The following PDGFD variants were observed in gnomAD, a reference collection of about 807,000 sequenced individuals.
PDGFD encodes platelet-derived growth factor D.
Under a neutral mutation model 44.7 loss-of-function variants are expected in PDGFD, and 30 were observed. The ratio of observed to expected loss-of-function variants is 0.67; its 90% CI spans 0.50 to 0.91. The LOEUF (loss-of-function observed/expected upper bound fraction) is 0.91. PDGFD is among the 40% of genes least tolerant of loss of function. The probability of loss-of-function intolerance (pLI) is 0.00; values close to 1 mark genes in which losing one functional copy is unlikely to be tolerated. For synonymous variants in PDGFD, 173 were observed against 168.4 expected (o/e 1.03, Z -0.21); for missense variants, 445 against 457.8 (o/e 0.97, Z 0.25).
chr11:104,123,976 A>T (rs1477128904), intron 1 of PDGFD, among the ~76,000 whole-genome samples: 1 of 141,396 alleles, frequency 7.1e-6, no homozygotes, highest in Non-Finnish European at 1.5e-5. Context: ...AACAGGAAAA[A>T]GTGATTATTT....
intron 5 of PDGFD, among the ~76,000 whole-genome samples, chr11:103,941,888 C>T (rs1015103084): frequency 3.3e-5 from 5 of 152,040 alleles, no homozygotes; most frequent in South Asian, 2.1e-4. Context: ...GCATATTTTA[C>T]TTTCTTTTAA....
intron 3 of PDGFD, among the ~76,000 whole-genome samples, chr11:103,971,196 A>C (rs916139220): frequency 6.6e-6 from 1 of 152,164 alleles, no homozygotes; most frequent in African/African-American, 2.4e-5. Flanking sequence ...TGCCTGGAAT[A>C]TATTTTATGA....
At chr11:104,051,099 G>GAA (rs112708876) in intron 1 of PDGFD, among the ~76,000 whole-genome samples, 41 of 151,656 alleles carry the variant, frequency 2.7e-4, no homozygotes, top group African/African-American at 8.5e-4. Flanking sequence ...GGTGATACAG[G>GAA]AAAAAAAAAT....
At chr11:104,011,232 T>C (rs1317429039) in intron 1 of PDGFD, among the ~76,000 whole-genome samples, 1 of 152,168 alleles carries the variant, frequency 6.6e-6, no homozygotes, top group East Asian at 1.9e-4. Flanking sequence ...TGAAAGCATT[T>C]TCTTAGTCAC....
intron 2 of PDGFD, among the ~76,000 whole-genome samples, chr11:103,998,276 G>C (rs1463973554): frequency 6.6e-6 from 1 of 151,982 alleles, no homozygotes; most frequent in Non-Finnish European, 1.5e-5. Context: ...GTACCTGTTG[G>C]GAGGCCCCGA....
In PDGFD at chr11:104,040,569, A is replaced by G. The variant is rs1180224553; in HGVS notation, c.125-40314T>C. 5.9e-5 allele frequency among the ~76,000 whole-genome samples: 9 copies of G among 152,140 alleles called. No individual in the cohort carries two copies. The East Asian group carries it at 1.7e-3, about 29-fold the overall frequency. ...CTTTTGCTTGTCTTCTACATCAATCAGGCACTATGCAAGGTACTTTGCATA... is the reference window on the plus strand; with the variant it reads ...CTTTTGCTTGTCTTCTACATCAATCGGGCACTATGCAAGGTACTTTGCATA... On this transcript the variant is annotated intron_variant, in intron 1 of 6. Coordinates refer to ENST00000393158, the MANE Select transcript of PDGFD (RefSeq NM_025208.5).
intron 6 of PDGFD, among the ~76,000 whole-genome samples, chr11:103,926,101 T>C (rs1858311588): frequency 6.6e-6 from 1 of 152,148 alleles, no homozygotes; most frequent in African/African-American, 2.4e-5. Flanking sequence ...AACCAGTGGA[T>C]TGGAGTTGGA....
chr11:104,010,280 TG>T (rs1457944030), intron 1 of PDGFD, among the ~76,000 whole-genome samples: 1 of 151,910 alleles, frequency 6.6e-6, no homozygotes, highest in African/African-American at 2.4e-5. Flanking sequence ...TTGGAGACAA[TG>T]TTTTTTTGTA....
At chr11:104,084,316 G>A (rs1861089698) in intron 1 of PDGFD, among the ~76,000 whole-genome samples, 1 of 152,160 alleles carries the variant, frequency 6.6e-6, no homozygotes, top group African/African-American at 2.4e-5. Flanking sequence ...ATCCTGCATG[G>A]TCAGGAAAGC....
rs1372483470 is a variant in PDGFD, at chr11:104,129,999, T to TG, written c.124+33804dup. Among the ~76,000 whole-genome samples the TG allele has an allele frequency of 2.8e-4, 20 of 72,004 alleles. No homozygotes were observed. The South Asian group carries it at 6.3e-3, about 23-fold the overall frequency. 47.2% of individuals were successfully genotyped at this position (72,004 alleles called of 152,430 possible). A position where few individuals can be genotyped will look rare whatever the true frequency, so the allele number is the denominator to read the frequency against. On this transcript the variant is annotated intron_variant, in intron 1 of 6. Transcript: ENST00000393158. ...ACTCCAACCTGGGCAACAAGACCTC[T>TG]GAAAAAAAAAAAAAAGGAGCTAACA...
chr11:104,028,546 C>T (rs11226119), intron 1 of PDGFD, among the ~76,000 whole-genome samples: 19,272 of 150,006 alleles, frequency 0.13, 1,315 homozygotes, highest in South Asian at 0.22. Flanking sequence ...ATATCAGAAA[C>T]GTCAACTACA....
intron 1 of PDGFD, among the ~76,000 whole-genome samples, chr11:104,020,726 A>G (rs1214076874): frequency 6.6e-6 from 1 of 152,146 alleles, no homozygotes; most frequent in Non-Finnish European, 1.5e-5. Context: ...CTAATATTAC[A>G]TTATTCCCTG....
chr11:103,963,140 T>C (rs1330001760), intron 3 of PDGFD, among the ~76,000 whole-genome samples: 1 of 152,170 alleles, frequency 6.6e-6, no homozygotes, highest in African/African-American at 2.4e-5. Flanking sequence ...AAAGTGCCTG[T>C]CACATAGAAA....
At chr11:104,061,404 T>C (rs780594955) in intron 1 of PDGFD, among the ~76,000 whole-genome samples, 2 of 152,160 alleles carry the variant, frequency 1.3e-5, no homozygotes, top group Non-Finnish European at 2.9e-5. Context: ...GATATGCCAG[T>C]ATTCAGAGAA....
At chr11:103,947,810 T>A in intron 3 of PDGFD, 86 bp from the exon 4 acceptor site, 1 of 1,022,786 alleles carries the variant, frequency 9.8e-7, no homozygotes, top group South Asian at 1.3e-5. Flanking sequence ...GCCTTCTGAA[T>A]CTTTTTCCAA....
intron 1 of PDGFD, among the ~76,000 whole-genome samples, chr11:104,063,057 C>T (rs898022055): frequency 1.3e-5 from 2 of 152,054 alleles, no homozygotes; most frequent in African/African-American, 2.4e-5. Flanking sequence ...GGCAATTGCC[C>T]CAAGCTCCAA....
At chr11:103,993,056 T>G (rs906483744) in intron 3 of PDGFD, among the ~76,000 whole-genome samples, 1 of 110,114 alleles carries the variant, frequency 9.1e-6, no homozygotes, top group Admixed American at 8.8e-5. Context: ...GTGTGCTGTT[T>G]TTGTTTGTTT....
chr11:104,101,080 T>G, intron 1 of PDGFD, among the ~76,000 whole-genome samples: 1 of 152,038 alleles, frequency 6.6e-6, no homozygotes, highest in Non-Finnish European at 1.5e-5. Flanking sequence ...CTATTCAACA[T>G]AGTGTTGGAA....
chr11:103,960,609 C>T (rs1858920802), intron 3 of PDGFD, among the ~76,000 whole-genome samples: 1 of 152,126 alleles, frequency 6.6e-6, no homozygotes, highest in Non-Finnish European at 1.5e-5. Context: ...TTCTAATGTC[C>T]TACTCTTGTC....
Sources: gnomAD v4.1 joint callset for allele counts (sites outside exome capture counted in the v4.1 genomes callset) on GRCh38, gnomAD v4.1.1 for gene constraint, MANE v1.5 for transcripts, NCBI Gene and HGNC (gene_info 2026-07-23, HGNC 2026-07-21) for gene names.